Variants in CDKAL1 observed in about 807,000 individuals in gnomAD.
CDKAL1 encodes CDKAL1 threonylcarbamoyladenosine tRNA methylthiotransferase, also known as threonylcarbamoyladenosine tRNA methylthiotransferase.
A neutral mutation model predicts 68.2 loss-of-function variants in CDKAL1; 32 were observed. The ratio of observed to expected loss-of-function variants is 0.47; its 90% CI spans 0.35 to 0.63. The LOEUF (loss-of-function observed/expected upper bound fraction) is 0.63, where lower values mean the gene tolerates loss of function less well. Among genes scored for constraint, CDKAL1 ranks in the 30% least tolerant of loss-of-function variants. CDKAL1 has a pLI of 0.00. For missense variants in CDKAL1, 606 were observed against 696.7 expected, an observed-to-expected ratio of 0.87 and a Z score of 1.47; for synonymous variants, 234 against 244.3, an observed-to-expected ratio of 0.96 and a Z score of 0.39.
At chr6:21,161,733 CT>C (rs1343562894) in intron 13 of CDKAL1, among the ~76,000 whole-genome samples, 14 of 152,182 alleles carry the variant, frequency 9.2e-5, no homozygotes, top group Admixed American at 9.2e-4. Flanking sequence ...TGCATGGCTT[CT>C]TTTATGGGCT....
intron 13 of CDKAL1, among the ~76,000 whole-genome samples, chr6:21,117,693 T>G (rs1030816658): frequency 1.3e-5 from 2 of 152,216 alleles, no homozygotes; most frequent in African/African-American, 4.8e-5. Flanking sequence ...TGCCCTGTTT[T>G]TAACTGGAAA....
chr6:20,598,973 G>A (rs1463251821), intron 4 of CDKAL1, among the ~76,000 whole-genome samples: 1 of 151,926 alleles, frequency 6.6e-6, no homozygotes, highest in African/African-American at 2.4e-5. Context: ...TAATATAAAA[G>A]TCTTTTCTGC....
At chr6:20,797,832 T>G (rs898931672) in intron 8 of CDKAL1, among the ~76,000 whole-genome samples, 5 of 150,420 alleles carry the variant, frequency 3.3e-5, no homozygotes, top group African/African-American at 1.2e-4. Flanking sequence ...TTATTTTTTC[T>G]TGGAGACAGG....
chr6:21,104,517 T>TA (rs1773747209), intron 12 of CDKAL1, among the ~76,000 whole-genome samples: 2 of 139,488 alleles, frequency 1.4e-5, no homozygotes, highest in East Asian at 4.5e-4. Flanking sequence ...AAAACTTTAT[T>TA]TAAAAAAAAA....
intron 12 of CDKAL1, among the ~76,000 whole-genome samples, chr6:21,076,995 A>G (rs1422289965): frequency 1.3e-5 from 2 of 152,194 alleles, no homozygotes; most frequent in African/African-American, 2.4e-5. Flanking sequence ...ATAGAAAGAT[A>G]GTTGAGAGCC....
intron 9 of CDKAL1, among the ~76,000 whole-genome samples, chr6:20,869,519 C>T (rs1320907302): frequency 6.6e-6 from 1 of 152,020 alleles, no homozygotes; most frequent in Admixed American, 6.6e-5. Context: ...AGTGAAGCTT[C>T]AGAATAAGAA....
At chr6:21,053,388 G>A (rs1446577096) in intron 11 of CDKAL1, among the ~76,000 whole-genome samples, 1 of 152,300 alleles carries the variant, frequency 6.6e-6, no homozygotes, top group East Asian at 1.9e-4. Flanking sequence ...CATTTGGACT[G>A]TTACCAGTTT....
At position 21,137,344 on chromosome 6, in the gene CDKAL1, G is replaced by A. The variant is rs554914485; in HGVS notation, c.1299+28881G>A. Among the ~76,000 whole-genome samples, 61 of 152,194 alleles carry A rather than the reference G, an allele frequency of 4.0e-4. 1 individual carries two copies. Among genetic ancestry groups the A allele is most frequent in the African/African-American group, 1.4e-3 (57 of 41,528 alleles). On this transcript the variant is annotated intron_variant, in intron 13 of 15. Transcript: ENST00000274695. Reference sequence around the variant, plus strand: ...TTAACCTGTATATTACTAGTTATGAGTTATTTCACTTATTTACAGTTTGTA... The same window carrying A: ...TTAACCTGTATATTACTAGTTATGAATTATTTCACTTATTTACAGTTTGTA...
intron 4 of CDKAL1, among the ~76,000 whole-genome samples, chr6:20,549,569 T>C (rs1470798482): frequency 6.9e-6 from 1 of 144,164 alleles, no homozygotes; most frequent in Non-Finnish European, 1.5e-5. Context: ...TATCTTGTTT[T>C]CTTTACATTT....
Position 21,063,778 on chromosome 6 carries a change from A to G in CDKAL1, c.1056-1270A>G, listed in dbSNP as rs567071587. 4.6e-5 allele frequency among the ~76,000 whole-genome samples: 7 copies of G among 152,292 alleles called. No homozygotes were observed. The East Asian group carries it at 1.3e-3, about 29-fold the overall frequency. ...GCTGAAGTAAAATTTCCAGAAAATA[A>G]AAGGGCAGAGATGAAAGAGAGAAAA... On this transcript the variant is annotated intron_variant, in intron 11 of 15. Transcript: ENST00000274695.
intron 2 of CDKAL1, among the ~76,000 whole-genome samples, chr6:20,542,247 T>C (rs1561911687): frequency 6.6e-6 from 1 of 152,210 alleles, no homozygotes; most frequent in African/African-American, 2.4e-5. Context: ...CAGAAAGCTT[T>C]GAGGACAACT....
At chr6:21,166,811 A>G (rs537560855) in intron 13 of CDKAL1, among the ~76,000 whole-genome samples, 1 of 152,302 alleles carries the variant, frequency 6.6e-6, no homozygotes, top group African/African-American at 2.4e-5. Context: ...TGCTAACCTC[A>G]TTGTACCCCA....
intron 11 of CDKAL1, among the ~76,000 whole-genome samples, chr6:21,045,772 C>G (rs1770192008): frequency 6.6e-6 from 1 of 152,130 alleles, no homozygotes; most frequent in Admixed American, 6.5e-5. Context: ...GAGTAGCAAT[C>G]TAATGATGGA....
At chr6:20,762,310 G>A (rs1193341621) in intron 7 of CDKAL1, among the ~76,000 whole-genome samples, 2 of 152,178 alleles carry the variant, frequency 1.3e-5, no homozygotes, top group East Asian at 3.8e-4. Flanking sequence ...AGTTGAAGGG[G>A]ATATTCATTG....
chr6:21,070,994 A>C (rs755800880), intron 12 of CDKAL1, among the ~76,000 whole-genome samples: 17 of 152,188 alleles, frequency 1.1e-4, no homozygotes, highest in Non-Finnish European at 2.4e-4. Flanking sequence ...CTTGCTTACT[A>C]ATCCTTTCTT....
intron 5 of CDKAL1, among the ~76,000 whole-genome samples, chr6:20,707,983 T>TA (rs1367875990): frequency 6.9e-6 from 1 of 145,346 alleles, no homozygotes; most frequent in Non-Finnish European, 1.5e-5. Context: ...ACCATTTTAA[T>TA]ATGTAGTATA....
chr6:20,882,411 A>G (rs1304706899), intron 9 of CDKAL1, among the ~76,000 whole-genome samples: 2 of 152,176 alleles, frequency 1.3e-5, no homozygotes, highest in Non-Finnish European at 2.9e-5. Context: ...GCGTTTCCAT[A>G]TGAAGACTCC....
At chr6:21,087,525 G>A (rs1460199924) in intron 12 of CDKAL1, among the ~76,000 whole-genome samples, 3 of 152,074 alleles carry the variant, frequency 2.0e-5, no homozygotes, top group Non-Finnish European at 4.4e-5. Context: ...GCCAAGTGGG[G>A]TGTACAAGCT....
intron 10 of CDKAL1, among the ~76,000 whole-genome samples, chr6:20,964,387 TAGC>T (rs758059279): frequency 6.6e-6 from 1 of 152,170 alleles, no homozygotes; most frequent in Non-Finnish European, 1.5e-5. Flanking sequence ...GTATTCACAA[TAGC>T]AGAGACATGG....
Sources: gnomAD v4.1 joint callset for allele counts (sites outside exome capture counted in the v4.1 genomes callset) on GRCh38, gnomAD v4.1.1 for gene constraint, MANE v1.5 for transcripts, NCBI Gene and HGNC (gene_info 2026-07-23, HGNC 2026-07-21) for gene names.